FKTN: variants seen among roughly 807,000 people sequenced by gnomAD.
FKTN encodes the protein ribitol-5-phosphate transferase FKTN.
FKTN carries 47 observed loss-of-function variants against 58.6 expected under a neutral mutation model. The observed-to-expected ratio is 0.80, with a 90% confidence interval of 0.63 to 1.02. FKTN has a LOEUF of 1.02. Ranked by LOEUF, FKTN falls within the 50% of genes least tolerant of loss-of-function variation. FKTN has a pLI of 0.00. For missense variants in FKTN, 516 were observed against 537.3 expected (o/e 0.96, Z 0.39); for synonymous variants, 178 against 191.9 (o/e 0.93, Z 0.60).
intron 10 of FKTN, among the ~76,000 whole-genome samples, chr9:105,621,075 A>G (rs762550467): frequency 3.2e-4 from 48 of 152,142 alleles, no homozygotes; most frequent in Non-Finnish European, 6.3e-4. Context: ...TTCATTTCCA[A>G]CTACTACATT....
intron 4 of FKTN, among the ~76,000 whole-genome samples, chr9:105,599,091 T>C (rs114941130): frequency 4.0e-4 from 61 of 152,288 alleles, no homozygotes; most frequent in African/African-American, 1.4e-3. Flanking sequence ...CAAAGATATA[T>C]GAAGAACTCC....
chr9:105,575,875 G>A (rs1409751425), intron 3 of FKTN, among the ~76,000 whole-genome samples: 1 of 152,106 alleles, frequency 6.6e-6, no homozygotes, highest in Non-Finnish European at 1.5e-5. Context: ...CCTTTTTTAT[G>A]TTGGGCTTGA....
Position 105,636,093 on chromosome 9 carries a change from T to G in FKTN, c.*829T>G. ...AGGCCATGATTTCACAAAACTCATT[T>G]TTATTTTATTCTCAGACAGTCTGTT... On this transcript the variant is annotated 3_prime_UTR_variant, in exon 11 of 11. Coordinates refer to ENST00000357998, the MANE Select transcript of FKTN (RefSeq NM_001079802.2). 1 of 982,314 alleles carries G rather than the reference T, an allele frequency of 1.0e-6. No homozygotes were observed. Among genetic ancestry groups the G allele is most frequent in the Non-Finnish European group, 1.2e-6 (1 of 827,050 alleles). The allele number at this position is 982,314 out of a possible 1,614,324, so 60.8% of individuals were successfully genotyped here. A position where few individuals can be genotyped will look rare whatever the true frequency, so the allele number is the denominator to read the frequency against.
chr9:105,617,942 T>G lies in FKTN; in HGVS notation c.911-17T>G. 6.6e-7 allele frequency: 1 copy of G among 1,521,306 alleles called. No individual in the cohort carries two copies. The highest frequency in any genetic ancestry group is 9.0e-7 in the Non-Finnish European group (1 of 1,107,828). 94.2% of individuals were successfully genotyped at this position (1,521,306 alleles called of 1,614,324 possible). A position where few individuals can be genotyped will look rare whatever the true frequency, so the allele number is the denominator to read the frequency against. On this transcript the variant is annotated splice_polypyrimidine_tract_variant and intron_variant, in intron 8 of 10. Coordinates refer to ENST00000357998, the MANE Select transcript of FKTN (RefSeq NM_001079802.2). ...CCAAACCTAAATTTTGTTAAAAAAA[T>G]TTAATCTTCTTTTTAGGATGGTATC...
chr9:105,560,124 A>G (rs1413723016), intron 1 of FKTN, among the ~76,000 whole-genome samples: 1 of 152,246 alleles, frequency 6.6e-6, no homozygotes, highest in Non-Finnish European at 1.5e-5. Context: ...CAGAAGTGGT[A>G]TCATTTACAT....
intron 3 of FKTN, among the ~76,000 whole-genome samples, chr9:105,584,260 T>A (rs1843524091): frequency 6.6e-6 from 1 of 152,216 alleles, no homozygotes; most frequent in African/African-American, 2.4e-5. Flanking sequence ...ATTATTATTA[T>A]TTTTTAATTT....
chr9:105,617,388 A>G (rs1831015323), intron 8 of FKTN, among the ~76,000 whole-genome samples: 1 of 152,162 alleles, frequency 6.6e-6, no homozygotes, highest in African/African-American at 2.4e-5. Flanking sequence ...TTTCTTTTTC[A>G]TACGGCCCAT....
At chr9:105,575,877 T>G (rs916616546) in intron 3 of FKTN, among the ~76,000 whole-genome samples, 1 of 152,350 alleles carries the variant, frequency 6.6e-6, no homozygotes, top group Non-Finnish European at 1.5e-5. Flanking sequence ...TTTTTTATGT[T>G]GGGCTTGACC....
At chr9:105,562,998 T>TGTC (rs1564182961) in intron 1 of FKTN, among the ~76,000 whole-genome samples, 16 of 152,328 alleles carry the variant, frequency 1.1e-4, no homozygotes, top group African/African-American at 3.4e-4. Flanking sequence ...TCTCTTGATA[T>TGTC]ATCATTCATT....
Position 105,576,090 on chromosome 9 carries a change from T to C in FKTN, c.105+953T>C, listed in dbSNP as rs75790937. ...ACTGGGGGAAGTTTATTATGCAGCA[T>C]TGTTACATGGAGTTATTAGACCTAA... On this transcript the variant is annotated intron_variant, in intron 3 of 10. Coordinates refer to ENST00000357998, the MANE Select transcript of FKTN (RefSeq NM_001079802.2). Among the ~76,000 whole-genome samples, 1,372 of 152,018 alleles carry C rather than the reference T, an allele frequency of 9.0e-3. 22 individuals carry two copies. The highest frequency in any genetic ancestry group is 0.032 in the African/African-American group (1,316 of 41,488).
chr9:105,583,405 T>G (rs992648608), intron 3 of FKTN, among the ~76,000 whole-genome samples: 1 of 152,218 alleles, frequency 6.6e-6, no homozygotes, highest in Non-Finnish European at 1.5e-5. Flanking sequence ...TAATTTTTAG[T>G]GTTCGTAATA....
At chr9:105,632,849 G>A (rs1388555571) in intron 10 of FKTN, among the ~76,000 whole-genome samples, 3 of 152,154 alleles carry the variant, frequency 2.0e-5, no homozygotes, top group Non-Finnish European at 4.4e-5. Flanking sequence ...TTCACATGCT[G>A]GATCCAATCC....
chr9:105,569,286 A>C (rs1156719560), intron 1 of FKTN, among the ~76,000 whole-genome samples: 1 of 152,138 alleles, frequency 6.6e-6, no homozygotes, highest in Non-Finnish European at 1.5e-5. Context: ...CTTAAAATAT[A>C]ATAATAAAAA....
chr9:105,569,774 C>T (rs920109168), intron 1 of FKTN, among the ~76,000 whole-genome samples: 10 of 152,176 alleles, frequency 6.6e-5, no homozygotes, highest in African/African-American at 1.4e-4. Flanking sequence ...ACTTAAACTT[C>T]GTAACTCCCC....
chr9:105,613,201 G>T (rs1830239721), intron 7 of FKTN, among the ~76,000 whole-genome samples: 1 of 152,168 alleles, frequency 6.6e-6, no homozygotes, highest in Non-Finnish European at 1.5e-5. Flanking sequence ...CAGTTACATG[G>T]TCATCATTGG....
intron 4 of FKTN, among the ~76,000 whole-genome samples, chr9:105,597,011 T>C (rs1281635481): frequency 6.6e-6 from 1 of 152,198 alleles, no homozygotes; most frequent in Admixed American, 6.5e-5. Flanking sequence ...TCAGATTTAT[T>C]TGAATAAGGG....
chr9:105,582,280 T>C (rs200738833), intron 3 of FKTN, among the ~76,000 whole-genome samples: 1 of 32,658 alleles, frequency 3.1e-5, no homozygotes, highest in African/African-American at 9.8e-5. Context: ...TAACCTTGAA[T>C]CTGGGGCTCA....
In FKTN at chr9:105,575,220, A is replaced by C. The variant is rs1587867570; in HGVS notation, c.105+83A>C. On this transcript the variant is annotated intron_variant, in intron 3 of 10. Transcript: ENST00000357998. The stretch of plus-strand genomic sequence containing the variant: ...ATCACACTTCTCTTTGCAATACATA[A>C]TATTAATCATGGGTATTCAAATTCT... The C allele has an allele frequency of 1.8e-5, 15 of 832,136 alleles. No homozygotes were observed. The East Asian group carries it at 2.7e-4, about 15-fold the overall frequency. The allele number at this position is 832,136 out of a possible 1,614,324, so 51.5% of individuals were successfully genotyped here. A position where few individuals can be genotyped will look rare whatever the true frequency, so the allele number is the denominator to read the frequency against.
At chr9:105,586,465 A>C (rs1208410118) in intron 3 of FKTN, among the ~76,000 whole-genome samples, 1 of 152,192 alleles carries the variant, frequency 6.6e-6, no homozygotes, top group African/African-American at 2.4e-5. Flanking sequence ...TTTTTATGCA[A>C]CCAACAGGAT....
Sources: allele counts gnomAD v4.1 joint callset (sites outside exome capture counted in the v4.1 genomes callset), GRCh38; gene constraint gnomAD v4.1.1; transcripts MANE v1.5; gene names NCBI Gene and HGNC (gene_info 2026-07-23, HGNC 2026-07-21).